The following ANKRD17 variants were observed in gnomAD, a reference collection of about 807,000 sequenced individuals.
ANKRD17 encodes the protein ankyrin repeat domain 17, also known as ankyrin repeat domain-containing protein 17.
ANKRD17 carries 19 observed loss-of-function variants against 229.7 expected under a neutral mutation model. That is an observed-to-expected ratio of 0.08 (90% CI 0.06 to 0.12). The LOEUF is 0.12. Among genes scored for constraint, ANKRD17 ranks in the 10% least tolerant of loss-of-function variants. ANKRD17 has a pLI of 1.00. For missense variants in ANKRD17, 2,176 were observed against 3,176.8 expected, an observed-to-expected ratio of 0.68 and a Z score of 7.57; for synonymous variants, 1,112 against 1,146.1, an observed-to-expected ratio of 0.97 and a Z score of 0.60.
chr4:73,178,182 T>A (rs973147589), intron 1 of ANKRD17, among the ~76,000 whole-genome samples: 15 of 152,314 alleles, frequency 9.8e-5, no homozygotes, highest in Non-Finnish European at 2.1e-4. Flanking sequence ...TCAAACATTT[T>A]TAGAGGAGCA....
chr4:73,145,137 T>C (rs935127725), intron 10 of ANKRD17, among the ~76,000 whole-genome samples: 2 of 152,140 alleles, frequency 1.3e-5, no homozygotes, highest in African/African-American at 4.8e-5. Flanking sequence ...AATTTGTCCT[T>C]CTCTCTACAC....
At chr4:73,110,792 C>T (rs1725216984) in intron 24 of ANKRD17, among the ~76,000 whole-genome samples, 1 of 152,146 alleles carries the variant, frequency 6.6e-6, no homozygotes, top group Admixed American at 6.5e-5. Flanking sequence ...TCACTCAAAA[C>T]TATACATAAA....
intron 1 of ANKRD17, among the ~76,000 whole-genome samples, chr4:73,251,966 GACTAA>G (rs1388181923): frequency 1.3e-5 from 2 of 152,156 alleles, no homozygotes; most frequent in Non-Finnish European, 2.9e-5. Flanking sequence ...GGTTAAAAAT[GACTAA>G]ACTAAAAATA....
intron 18 of ANKRD17, among the ~76,000 whole-genome samples, chr4:73,123,124 A>C (rs1578118428): frequency 6.6e-6 from 1 of 152,126 alleles, no homozygotes; most frequent in East Asian, 1.9e-4. Flanking sequence ...AATTCATAAA[A>C]ATTACAGTGC....
chr4:73,106,759 G>A (rs1724683418), intron 24 of ANKRD17, among the ~76,000 whole-genome samples: 1 of 151,416 alleles, frequency 6.6e-6, no homozygotes. Context: ...CGCACCTGTA[G>A]TCCCAGCTAC....
rs1729434878 is a variant in ANKRD17 at position 73,140,275 on chromosome 4, T to C, written c.2341A>G (p.Lys781Glu). The C allele has an allele frequency of 6.3e-7, 1 of 1,589,550 alleles. No individual in the cohort carries two copies. Among genetic ancestry groups the C allele is most frequent in the Non-Finnish European group, 8.5e-7 (1 of 1,172,266 alleles). The part of the protein sequence containing the change: ...TLPIRNKAAS[K>E]QKSSSHLPAN... ...GGCAAATGGCTGCTGGACTTTTGTT[T>C]AGAAGCAGCTGTGTGAAAAAGAAAC... Residue 781 changes from lysine (K) to glutamate (E), a missense_variant, in exon 15 of 34, where the codon AAA becomes GAA. Transcript: ENST00000358602.
intron 3 of ANKRD17, among the ~76,000 whole-genome samples, chr4:73,157,328 T>C (rs1318460112): frequency 1.3e-5 from 2 of 152,126 alleles, no homozygotes; most frequent in Non-Finnish European, 2.9e-5. Flanking sequence ...AGTATTTACT[T>C]ATACAATCAA....
intron 24 of ANKRD17, among the ~76,000 whole-genome samples, chr4:73,106,078 G>T (rs1724573170): frequency 6.6e-6 from 1 of 152,070 alleles, no homozygotes; most frequent in East Asian, 1.9e-4. Flanking sequence ...TTACTTCTTG[G>T]AGAACTGCTG....
chr4:73,086,657 T>C (rs1042649823), intron 29 of ANKRD17, among the ~76,000 whole-genome samples: 1 of 151,272 alleles, frequency 6.6e-6, no homozygotes, highest in Non-Finnish European at 1.5e-5. Flanking sequence ...CATGTGATCA[T>C]AGCTCACGGT....
chr4:73,207,427 G>A (rs1739620044), intron 1 of ANKRD17, among the ~76,000 whole-genome samples: 1 of 152,122 alleles, frequency 6.6e-6, no homozygotes. Context: ...ATAAAATATT[G>A]CTAATTATAC....
chr4:73,124,416 G>T (rs968087685), intron 18 of ANKRD17, among the ~76,000 whole-genome samples: 9 of 151,564 alleles, frequency 5.9e-5, no homozygotes, highest in African/African-American at 2.2e-4. Flanking sequence ...AAAACAAAAG[G>T]TCATATAATC....
intron 29 of ANKRD17, among the ~76,000 whole-genome samples, chr4:73,089,522 T>A (rs917788373): frequency 1.3e-5 from 2 of 152,028 alleles, no homozygotes; most frequent in African/African-American, 4.8e-5. Context: ...GATCCTACAA[T>A]AGAAAAAGGA....
chr4:73,219,009 TGAGATAA>T (rs1449417779), intron 1 of ANKRD17, among the ~76,000 whole-genome samples: 1 of 151,500 alleles, frequency 6.6e-6, no homozygotes, highest in African/African-American at 2.4e-5. Context: ...TGCAGTGAGC[TGAGATAA>T]GAGTCACTGC....
At chr4:73,100,145 C>CAT (rs1008027795) in intron 25 of ANKRD17, among the ~76,000 whole-genome samples, 17 of 152,184 alleles carry the variant, frequency 1.1e-4, no homozygotes, top group African/African-American at 4.1e-4. Flanking sequence ...CTTCGACATC[C>CAT]GTTATTGCTG....
chr4:73,238,293 A>C (rs1743691274), intron 1 of ANKRD17, among the ~76,000 whole-genome samples: 1 of 152,148 alleles, frequency 6.6e-6, no homozygotes, highest in Non-Finnish European at 1.5e-5. Context: ...TAATTTTTAC[A>C]TGTCACACTT....
intron 11 of ANKRD17, among the ~76,000 whole-genome samples, chr4:73,143,781 C>A (rs1307967846): frequency 9.9e-5 from 15 of 152,072 alleles, no homozygotes. Flanking sequence ...CACTCTGTCA[C>A]CCTGGCTGGA....
At chr4:73,093,109 T>C (rs1231510332) in intron 28 of ANKRD17, among the ~76,000 whole-genome samples, 1 of 152,184 alleles carries the variant, frequency 6.6e-6, no homozygotes, top group Non-Finnish European at 1.5e-5. Flanking sequence ...CTTTCTTATT[T>C]TTGAGGTATG....
intron 1 of ANKRD17, among the ~76,000 whole-genome samples, chr4:73,238,801 T>C (rs1403927791): frequency 6.6e-6 from 1 of 152,114 alleles, no homozygotes; most frequent in Non-Finnish European, 1.5e-5. Context: ...GGCAGTACAA[T>C]ATGAGAGTTA....
chr4:73,186,397 T>C (rs1182862003), intron 1 of ANKRD17, among the ~76,000 whole-genome samples: 1 of 152,132 alleles, frequency 6.6e-6, no homozygotes, highest in Non-Finnish European at 1.5e-5. Context: ...TGATTCATTA[T>C]GGTATTCTGA....
Sources: gnomAD v4.1 joint callset for allele counts (sites outside exome capture counted in the v4.1 genomes callset) on GRCh38, gnomAD v4.1.1 for gene constraint, MANE v1.5 for transcripts, NCBI Gene and HGNC (gene_info 2026-07-23, HGNC 2026-07-21) for gene names.